Variants in RRN3 observed in about 807,000 individuals in gnomAD.
RRN3 encodes RNA polymerase I transcription factor RRN3.
RRN3 carries 38 observed loss-of-function variants against 82.3 expected under a neutral mutation model. The ratio of observed to expected loss-of-function variants is 0.46; its 90% CI spans 0.36 to 0.61. The LOEUF is 0.61. Ranked by LOEUF, RRN3 falls within the 20% of genes least tolerant of loss-of-function variation. The pLI is 0.00. For synonymous variants in RRN3, 284 were observed against 284.3 expected (o/e 1.00, Z 0.01); for missense variants, 726 against 793.1 (o/e 0.92, Z 1.02).
At chr16:15,077,666 C>T (rs539906409) in intron 9 of RRN3, among the ~76,000 whole-genome samples, 8 of 152,222 alleles carry the variant, frequency 5.3e-5, no homozygotes, top group Admixed American at 3.9e-4. Flanking sequence ...ACGGTGAAAC[C>T]CCATCTCTAC....
chr16:15,092,001 A>C (rs372618087), intron 2 of RRN3, among the ~76,000 whole-genome samples: 1 of 151,990 alleles, frequency 6.6e-6, no homozygotes, highest in South Asian at 2.1e-4. Context: ...ACATGGTGAA[A>C]CCCTGCCTCT....
At chr16:15,074,597 T>C (rs1206127467) in intron 11 of RRN3, 126 bp downstream of exon 11, 25 of 660,310 alleles carry the variant, frequency 3.8e-5, no homozygotes, top group Non-Finnish European at 5.9e-5. Context: ...TAAATCATCT[T>C]AAACTCATAC....
At chr16:15,073,118 CAT>C (rs1567198572) in intron 11 of RRN3, 38 bp from the exon 12 acceptor site, 1 of 1,598,222 alleles carries the variant, frequency 6.3e-7, no homozygotes, top group Admixed American at 1.8e-5. Flanking sequence ...TTTATAAAGA[CAT>C]ATTTTCAAGT....
rs1200858510 is a variant in RRN3 at position 15,094,240 on chromosome 16, G to T, written c.-7C>A. The T allele has an allele frequency of 1.3e-6, 2 of 1,571,658 alleles. No individual in the cohort carries two copies. The highest frequency in any genetic ancestry group is 1.9e-5 in the Admixed American group (1 of 53,812). On this transcript the variant is annotated 5_prime_UTR_variant, in exon 1 of 18. Coordinates refer to ENST00000198767, the MANE Select transcript of RRN3 (RefSeq NM_018427.5). ...GAAGCAGCGGTGCCGCCATTGGGCC[G>T]AACTAACGCGACCGCTGCGCCTCAG...
At chr16:15,074,617 A>G in intron 11 of RRN3, 106 bp downstream of exon 11, 5 of 800,120 alleles carry the variant, frequency 6.2e-6, no homozygotes, top group Non-Finnish European at 1.9e-6. Flanking sequence ...CTCAATAGAT[A>G]TTTTTACAGG....
At chr16:15,088,244 C>A (rs902230498) in intron 3 of RRN3, among the ~76,000 whole-genome samples, 11 of 152,064 alleles carry the variant, frequency 7.2e-5, no homozygotes, top group African/African-American at 2.4e-4. Flanking sequence ...GAGGCCAAGG[C>A]AGGAGGAGAC....
At chr16:15,088,477 A>G (rs2045994988) in intron 3 of RRN3, among the ~76,000 whole-genome samples, 1 of 152,172 alleles carries the variant, frequency 6.6e-6, no homozygotes, top group Non-Finnish European at 1.5e-5. Flanking sequence ...CAAGATGGAA[A>G]AAAGTTCTAC....
chr16:15,078,633 A>G (rs2045563524), intron 9 of RRN3, among the ~76,000 whole-genome samples: 2 of 151,882 alleles, frequency 1.3e-5, no homozygotes, highest in African/African-American at 2.4e-5. Context: ...GGTTTTCCCC[A>G]TACTTCTGAT....
intron 14 of RRN3, among the ~76,000 whole-genome samples, chr16:15,069,052 A>G (rs1258742886): frequency 2.0e-5 from 3 of 152,220 alleles, no homozygotes; most frequent in Non-Finnish European, 2.9e-5. Flanking sequence ...ATAAAACCTC[A>G]TCCTACTAGT....
At chr16:15,087,717 A>G (rs1452956969) in intron 3 of RRN3, among the ~76,000 whole-genome samples, 1 of 152,236 alleles carries the variant, frequency 6.6e-6, no homozygotes, top group Non-Finnish European at 1.5e-5. Context: ...GCATGTAGAA[A>G]ACAAGCTAAG....
intron 3 of RRN3, among the ~76,000 whole-genome samples, chr16:15,089,414 C>G (rs1347176491): frequency 6.6e-6 from 1 of 152,078 alleles, no homozygotes; most frequent in African/African-American, 2.4e-5. Context: ...GGAGATCACA[C>G]AGAAGAATCA....
chr16:15,081,571 T>C (rs1300149181), intron 8 of RRN3, among the ~76,000 whole-genome samples: 4 of 152,222 alleles, frequency 2.6e-5, no homozygotes, highest in Admixed American at 6.5e-5. Flanking sequence ...TCTTTACATA[T>C]ACAAGTCCAT....
intron 16 of RRN3, among the ~76,000 whole-genome samples, chr16:15,064,607 A>G (rs1332346557): frequency 6.6e-6 from 1 of 152,238 alleles, no homozygotes; most frequent in Non-Finnish European, 1.5e-5. Context: ...CATTATCCCC[A>G]TTAACCTTAC....
chr16:15,066,835 CAG>C (rs2151765396), intron 15 of RRN3, among the ~76,000 whole-genome samples: 1 of 151,928 alleles, frequency 6.6e-6, no homozygotes, highest in South Asian at 2.1e-4. Context: ...TGTACCTAGG[CAG>C]AGACTTTTAT....
chr16:15,086,289 A>G (rs2045914430), intron 4 of RRN3, 31 bp from the exon 5 acceptor site: 2 of 1,579,608 alleles, frequency 1.3e-6, no homozygotes, highest in African/African-American at 1.4e-5. Context: ...TAAAAGCAGC[A>G]TGTTATTAAT....
intron 3 of RRN3, 96 bp downstream of exon 3, chr16:15,091,219 A>C: frequency 6.7e-7 from 1 of 1,485,126 alleles, no homozygotes; most frequent in Non-Finnish European, 9.2e-7. Context: ...CCATGGAGAG[A>C]GCAAGTTCTG....
intron 10 of RRN3, among the ~76,000 whole-genome samples, chr16:15,075,877 CCTA>C (rs2045432327): frequency 1.3e-5 from 2 of 152,160 alleles, no homozygotes; most frequent in Non-Finnish European, 2.9e-5. Context: ...CTCACAGCCG[CCTA>C]CTTTCTCCAG....
chr16:15,063,723 G>GA (rs1214508290), intron 16 of RRN3, among the ~76,000 whole-genome samples: 3 of 118,834 alleles, frequency 2.5e-5, no homozygotes, highest in South Asian at 2.8e-4. Context: ...AAAAAAAAAA[G>GA]AAAAAAACAA....
At position 15,071,771 on chromosome 16, in the gene RRN3, A is replaced by G. The variant is rs568445402; in HGVS notation, c.1129-520T>C. The stretch of plus-strand genomic sequence containing the variant: ...TGACAGAGTGAGACTCCATCTCAAA[A>G]AACAAACAAACAAAAAACAACAAAA... On this transcript the variant is annotated intron_variant, in intron 12 of 17. Coordinates refer to ENST00000198767, the MANE Select transcript of RRN3 (RefSeq NM_018427.5). Among the ~76,000 whole-genome samples the G allele has an allele frequency of 2.6e-5, 4 of 152,276 alleles. No individual in the cohort carries two copies. The East Asian group carries it at 7.7e-4, about 29-fold the overall frequency.
Sources: allele counts gnomAD v4.1 joint callset (sites outside exome capture counted in the v4.1 genomes callset), GRCh38; gene constraint gnomAD v4.1.1; transcripts MANE v1.5; gene names NCBI Gene and HGNC (gene_info 2026-07-23, HGNC 2026-07-21).